The following PKDREJ variants were observed in gnomAD, a reference collection of about 807,000 sequenced individuals.
PKDREJ encodes PKD and REJ homolog.
For synonymous variants in PKDREJ, 1,031 were observed against 1,095.5 expected (o/e 0.94, Z 1.16); for missense variants, 2,507 against 2,807.2 (o/e 0.89, Z 2.42).
At position 46,263,196 on chromosome 22, in the gene PKDREJ, T is replaced by C. The variant is rs980279906; in HGVS notation, c.127A>G (p.Arg43Gly). 5.3e-6 allele frequency: 7 copies of C among 1,309,512 alleles called. No individual in the cohort carries two copies. Among genetic ancestry groups the C allele is most frequent in the East Asian group, 8.2e-5 (2 of 24,454 alleles). 81.1% of individuals were successfully genotyped at this position (1,309,512 alleles called of 1,614,324 possible). A position where few individuals can be genotyped will look rare whatever the true frequency, so the allele number is the denominator to read the frequency against. ...AVSGAPGGLLRGAPGLGVRGG... is the reference protein window; with the variant it reads ...AVSGAPGGLLGGAPGLGVRGG... The stretch of plus-strand genomic sequence containing the variant: ...CGCACCCCGAGGCCCGGGGCGCCCC[T>C]GAGGAGGCCACCGGGCGCCCCGGAG... The change falls in exon 1 of 1, where the codon AGG becomes GGG. Residue 43 changes from arginine to glycine, a missense_variant. Physicochemically the swap from Arg to Gly is moderately radical, Grantham distance 125 (BLOSUM62 -2). Transcript: ENST00000253255. This position sits in a 1 kb window ranked among gnomAD's most constrained non-coding sequence, Gnocchi z 9.4.
chr22:46,261,193 C>A lies in PKDREJ; in HGVS notation c.2130G>T (p.Leu710=), dbSNP rs151047109. Residue 710 remains leucine (L), a synonymous_variant, in exon 1 of 1, where the codon CTG becomes CTT. Transcript: ENST00000253255. This position sits in a 1 kb window ranked among gnomAD's most constrained non-coding sequence, Gnocchi z 7.1. ...KKDFLPAGYL[L]YIVASVLNNM... is the part of the protein sequence containing the mutation. Reference sequence around the variant, plus strand: ...TATTCAAAACGGAAGCTACTATATACAGTAAGTAACCTGCAGGTAAAAAAT... The same window carrying A: ...TATTCAAAACGGAAGCTACTATATAAAGTAAGTAACCTGCAGGTAAAAAAT... 1 of 1,614,072 alleles carries A rather than the reference C, an allele frequency of 6.2e-7. No homozygotes were observed.
At position 46,256,884 on chromosome 22, in the gene PKDREJ, G is replaced by T. The variant is rs1311901486; in HGVS notation, c.6439C>A (p.Leu2147Met). The change falls in exon 1 of 1, where the codon CTG becomes ATG. Residue 2147 changes from leucine to methionine, a missense_variant. Leu to Met is a conservative substitution (Grantham distance 15). Transcript: ENST00000253255. The surrounding 1 kb of genome is among the most constrained non-coding windows in gnomAD (Gnocchi z 5.3). ...AAAGATGAGAGGAACAGGACCCCCA[G>T]AATCCTGTTATTGGAAAATTCAGTG... ...QNTEFSNNRI[L>M]GVLFLSSFML... 1 of 1,613,932 alleles carries T rather than the reference G, an allele frequency of 6.2e-7. No individual in the cohort carries two copies. Among genetic ancestry groups the T allele is most frequent in the African/African-American group, 1.3e-5 (1 of 74,930 alleles).
chr22:46,263,118 C>T lies in PKDREJ; in HGVS notation c.205G>A (p.Ala69Thr). ...LRPSAVRAGG[A>T]VLSGRGSLCF... ...AGGCTGCCGCGGCCGCTCAGGACAG[C>T]GCCGCCCGCCCGCACCGCGCTGGGC... The change falls in exon 1 of 1, where the codon GCT (alanine) becomes ACT (threonine). Residue 69 changes from alanine to threonine, a missense_variant. Coordinates refer to ENST00000253255, the MANE Select transcript of PKDREJ (RefSeq NM_006071.2). This position sits in a 1 kb window ranked among gnomAD's most constrained non-coding sequence, Gnocchi z 9.4. 2.4e-6 allele frequency: 3 copies of T among 1,241,332 alleles called. No individual in the cohort carries two copies. Among genetic ancestry groups the T allele is most frequent in the South Asian group, 2.4e-5 (1 of 41,168 alleles). The allele number at this position is 1,241,332 out of a possible 1,614,324, so 76.9% of individuals were successfully genotyped here.
In PKDREJ at chr22:46,263,054, C is replaced by T. The variant is rs1936717731; in HGVS notation, c.269G>A (p.Cys90Tyr). The change falls in exon 1 of 1, where the codon TGC becomes TAC. Residue 90 changes from cysteine to tyrosine, a missense_variant. Cys to Tyr is a radical substitution (Grantham distance 194). Transcript: ENST00000253255. The surrounding 1 kb of genome is among the most constrained non-coding windows in gnomAD (Gnocchi z 9.4). Reference sequence around the variant, plus strand: ...GCTGAGCAGGACGCGCAAGTCGAGGCAGTACCAGCGCCGCCCGGTCCCGCC... The same window carrying T: ...GCTGAGCAGGACGCGCAAGTCGAGGTAGTACCAGCGCCGCCCGGTCCCGCC... The part of the protein sequence containing the change: ...PHGGTGRRWY[C>Y]LDLRVLLSAQ... 2 of 1,336,620 alleles carry T rather than the reference C, an allele frequency of 1.5e-6. No homozygotes were observed. The highest frequency in any genetic ancestry group is 1.5e-5 in the South Asian group (1 of 67,668). 82.8% of individuals were successfully genotyped at this position (1,336,620 alleles called of 1,614,324 possible).
chr22:46,257,744 G>A lies in PKDREJ; in HGVS notation c.5579C>T (p.Pro1860Leu). 6.2e-7 allele frequency: 1 copy of A among 1,614,098 alleles called. No homozygotes were observed. Among genetic ancestry groups the A allele is most frequent in the Admixed American group, 1.7e-5 (1 of 60,018 alleles). ...ATAATATAGCCATTGCGTTCCTTGA[G>A]GCTTATAAGTAAATCCATTGGTACT... ...DESTNGFTYK[P>L]QGTQWLYYSY... The change falls in exon 1 of 1, where the codon CCT (proline) becomes CTT (leucine). Residue 1860 changes from proline (P) to leucine (L), a missense_variant. Physicochemically the swap from Pro to Leu is moderately conservative, Grantham distance 98. Coordinates refer to ENST00000253255, the MANE Select transcript of PKDREJ (RefSeq NM_006071.2). This position sits in a 1 kb window ranked among gnomAD's most constrained non-coding sequence, Gnocchi z 4.7.
Position 46,262,564 on chromosome 22 carries a change from G to A in PKDREJ, c.759C>T (p.Arg253=). ...ACACCTGCCAGTACTGGGCGATGGC[G>A]CGCGCGGCCGGGCAGTCCAGCTGCA... ...ASVQLDCPAA[R]AIAQYWQVFS... is the part of the protein sequence containing the mutation. Residue 253 remains arginine, a synonymous_variant, in exon 1 of 1, where the codon CGC becomes CGT. Transcript: ENST00000253255. This position sits in a 1 kb window ranked among gnomAD's most constrained non-coding sequence, Gnocchi z 8.1. The A allele has an allele frequency of 6.2e-7, 1 of 1,606,072 alleles. No homozygotes were observed.
In PKDREJ at chr22:46,256,829, T is replaced by C; in HGVS notation, c.6494A>G (p.Asn2165Ser). The C allele has an allele frequency of 6.2e-7, 1 of 1,613,996 alleles. No homozygotes were observed. The highest frequency in any genetic ancestry group is 8.5e-7 in the Non-Finnish European group (1 of 1,180,018). Reference sequence around the variant, plus strand: ...AGACAGAATTACAGCCTGAAATAAGTTGATCAAGACGCAGATCATCACCAG... The same window carrying C: ...AGACAGAATTACAGCCTGAAATAAGCTGATCAAGACGCAGATCATCACCAG... Reference protein sequence around the residue: ...FMLVMICVLINLFQAVILSAY... With the variant: ...FMLVMICVLISLFQAVILSAY... The change falls in exon 1 of 1, where the codon AAC becomes AGC. Residue 2165 changes from asparagine to serine, a missense_variant. Coordinates refer to ENST00000253255, the MANE Select transcript of PKDREJ (RefSeq NM_006071.2). The surrounding 1 kb of genome is among the most constrained non-coding windows in gnomAD (Gnocchi z 5.3).
Position 46,256,349 on chromosome 22 carries a change from G to A in PKDREJ, c.*212C>T, listed in dbSNP as rs542355360. On this transcript the variant is annotated 3_prime_UTR_variant, in exon 1 of 1. Transcript: ENST00000253255. This position sits in a 1 kb window ranked among gnomAD's most constrained non-coding sequence, Gnocchi z 5.3. ...TCCAGGAATCCCACACTGTGATCCT[G>A]CTGTCTCCCCAGATGCTACACTACA... 62 of 702,964 alleles carry A rather than the reference G, an allele frequency of 8.8e-5. No homozygotes were observed. The highest frequency in any genetic ancestry group is 3.1e-5 in the Non-Finnish European group (14 of 444,664). The allele number at this position is 702,964 out of a possible 1,614,324, so 43.5% of individuals were successfully genotyped here. A position where few individuals can be genotyped will look rare whatever the true frequency, so the allele number is the denominator to read the frequency against.
At position 46,259,369 on chromosome 22, in the gene PKDREJ, A is replaced by T; in HGVS notation, c.3954T>A (p.Asn1318Lys). 6.2e-7 allele frequency: 1 copy of T among 1,614,136 alleles called. No individual in the cohort carries two copies. Among genetic ancestry groups the T allele is most frequent in the Non-Finnish European group, 8.5e-7 (1 of 1,180,036 alleles). ...ACAGCCAAATGTGCCTGCTAAACAG[A>T]TTTTCCACTTTGATTCTACTTAAAT... ...SWYLSRIKVE[N>K]LFSRHIWLFI... The change falls in exon 1 of 1, where the codon AAT becomes AAA. Residue 1318 changes from asparagine (N) to lysine (K), a missense_variant. Coordinates refer to ENST00000253255, the MANE Select transcript of PKDREJ (RefSeq NM_006071.2). The surrounding 1 kb of genome is among the most constrained non-coding windows in gnomAD (Gnocchi z 6.8).
chr22:46,259,455 AGTCACTTTTT>A lies in PKDREJ; in HGVS notation c.3858_3867del (p.Lys1287TrpfsTer22), dbSNP rs746082471. ...ACACGGATGGAATGGATGTCCCCCA[AGTCACTTTTT>A]GTCGTTAGGAGGAAAGTGTTGATGC... On this transcript the variant is annotated frameshift_variant, in exon 1 of 1. Coordinates refer to ENST00000253255, the MANE Select transcript of PKDREJ (RefSeq NM_006071.2). LOFTEE classifies it low-confidence loss of function (END_TRUNC). This position sits in a 1 kb window ranked among gnomAD's most constrained non-coding sequence, Gnocchi z 6.8. 1 of 1,614,154 alleles carries A rather than the reference AGTCACTTTTT, an allele frequency of 6.2e-7. No homozygotes were observed. Among genetic ancestry groups the A allele is most frequent in the East Asian group, 2.2e-5 (1 of 44,886 alleles).
chr22:46,258,066 T>C lies in PKDREJ; in HGVS notation c.5257A>G (p.Thr1753Ala), dbSNP rs1036178596. 18 of 1,614,038 alleles carry C rather than the reference T, an allele frequency of 1.1e-5. No individual in the cohort carries two copies. Among genetic ancestry groups the C allele is most frequent in the Non-Finnish European group, 1.5e-5 (18 of 1,180,014 alleles). ...TAGATGTCTTCCAGCTTAGTCACAG[T>C]AGCAAGATCCATAGAGAACCGATCA... The part of the protein sequence containing the change: ...IRDRFSMDLA[T>A]VTKLEDIYRW... The change falls in exon 1 of 1, where the codon ACT (threonine) becomes GCT (alanine). Residue 1753 changes from threonine (T) to alanine (A), a missense_variant. By Grantham distance (58) the Thr-to-Ala change is moderately conservative. Transcript: ENST00000253255. The surrounding 1 kb of genome is among the most constrained non-coding windows in gnomAD (Gnocchi z 6.1).
chr22:46,261,097 G>A lies in PKDREJ; in HGVS notation c.2226C>T (p.Phe742=). ...CTACCAAAGTGCTTACAGGAAGAAG[G>A]AAAGACTGATCGATGAGGTGTTTTC... The part of the protein sequence containing the change: ...NLRKHLIDQS[F]LLPVSTLVEI... Residue 742 remains phenylalanine (F), a synonymous_variant, in exon 1 of 1, where the codon TTC becomes TTT. Transcript: ENST00000253255. This position sits in a 1 kb window ranked among gnomAD's most constrained non-coding sequence, Gnocchi z 7.1. 1 of 1,614,174 alleles carries A rather than the reference G, an allele frequency of 6.2e-7. No individual in the cohort carries two copies. The highest frequency in any genetic ancestry group is 8.5e-7 in the Non-Finnish European group (1 of 1,180,032).
chr22:46,256,768 C>T lies in PKDREJ; in HGVS notation c.6555G>A (p.Glu2185=), dbSNP rs1467275046. ...YEEMKQPVYE[E]PSDEVEAMTY... is the part of the protein sequence containing the mutation. The stretch of plus-strand genomic sequence containing the variant: ...TCATTGCTTCCACTTCATCCGATGG[C>T]TCCTCATACACGGGCTGCTTCATTT... The change falls in exon 1 of 1, where the codon GAG becomes GAA. Residue 2185 remains glutamate, a synonymous_variant. Transcript: ENST00000253255. This position sits in a 1 kb window ranked among gnomAD's most constrained non-coding sequence, Gnocchi z 5.3. 2 of 1,614,088 alleles carry T rather than the reference C, an allele frequency of 1.2e-6. No individual in the cohort carries two copies. Among genetic ancestry groups the T allele is most frequent in the African/African-American group, 1.3e-5 (1 of 75,054 alleles).
In PKDREJ at chr22:46,258,903, T is replaced by A; in HGVS notation, c.4420A>T (p.Ser1474Cys). 1 of 1,614,198 alleles carries A rather than the reference T, an allele frequency of 6.2e-7. No individual in the cohort carries two copies. The highest frequency in any genetic ancestry group is 8.5e-7 in the Non-Finnish European group (1 of 1,180,036). ...CTCAAGTATTCTTCCCAGTGCTCAC[T>A]TGCTTCTGACATTAGAGGATGCTTT... ...PQKHPLMSEA[S>C]EHWEEYLRKW... The change falls in exon 1 of 1, where the codon AGT becomes TGT. Residue 1474 changes from serine (S) to cysteine (C), a missense_variant. Ser to Cys is a moderately radical substitution (Grantham distance 112). Transcript: ENST00000253255. The surrounding 1 kb of genome is among the most constrained non-coding windows in gnomAD (Gnocchi z 6.1).
Position 46,257,911 on chromosome 22 carries a change from T to G in PKDREJ, c.5412A>C (p.Lys1804Asn). Residue 1804 changes from lysine to asparagine, a missense_variant, in exon 1 of 1, where the codon AAA becomes AAC. Coordinates refer to ENST00000253255, the MANE Select transcript of PKDREJ (RefSeq NM_006071.2). This position sits in a 1 kb window ranked among gnomAD's most constrained non-coding sequence, Gnocchi z 4.7. ...MRQVRAKSSE[K>N]MCLPAEKFVQ... is the part of the protein sequence containing the mutation. ...CAAACTTTTCGGCAGGTAGACACAT[T>G]TTTTCACTAGATTTTGCTCTCACTT... is the stretch of plus-strand genomic sequence containing the variant. 3 of 1,614,166 alleles carry G rather than the reference T, an allele frequency of 1.9e-6. No homozygotes were observed. Among genetic ancestry groups the G allele is most frequent in the Non-Finnish European group, 2.5e-6 (3 of 1,180,024 alleles).
Position 46,257,888 on chromosome 22 carries a change from A to G in PKDREJ, c.5435T>C (p.Phe1812Ser), listed in dbSNP as rs766430224. 2.0e-5 allele frequency: 32 copies of G among 1,614,044 alleles called. No individual in the cohort carries two copies. In the Admixed American group the frequency reaches 2.2e-4, roughly 11 times the overall value. Reference sequence around the variant, plus strand: ...TTCTCTTCTGATGCTGTTTTGCACAAACTTTTCGGCAGGTAGACACATTTT... The same window carrying G: ...TTCTCTTCTGATGCTGTTTTGCACAGACTTTTCGGCAGGTAGACACATTTT... ...SEKMCLPAEK[F>S]VQNSIRREIH... is the part of the protein sequence containing the mutation. The change falls in exon 1 of 1, where the codon TTT becomes TCT. Residue 1812 changes from phenylalanine to serine, a missense_variant. By Grantham distance (155) the Phe-to-Ser change is radical. Transcript: ENST00000253255. This position sits in a 1 kb window ranked among gnomAD's most constrained non-coding sequence, Gnocchi z 4.7.
At position 46,262,762 on chromosome 22, in the gene PKDREJ, G is replaced by C; in HGVS notation, c.561C>G (p.Gly187=). The change falls in exon 1 of 1, where the codon GGC becomes GGG. Residue 187 remains glycine (G), a synonymous_variant. Coordinates refer to ENST00000253255, the MANE Select transcript of PKDREJ (RefSeq NM_006071.2). The surrounding 1 kb of genome is among the most constrained non-coding windows in gnomAD (Gnocchi z 8.1). ...FVARTECPTD[G]PARVMLQAVN... is the part of the protein sequence containing the mutation. ...CGGCCTGCAACATCACGCGCGCGGGGCCGTCTGTGGGGCACTCGGTGCGGG... is the reference window on the plus strand; with the variant it reads ...CGGCCTGCAACATCACGCGCGCGGGCCCGTCTGTGGGGCACTCGGTGCGGG... 6.3e-7 allele frequency: 1 copy of C among 1,585,956 alleles called. No individual in the cohort carries two copies. The highest frequency in any genetic ancestry group is 8.6e-7 in the Non-Finnish European group (1 of 1,166,632).
At position 46,261,408 on chromosome 22, in the gene PKDREJ, A is replaced by G. The variant is rs758708263; in HGVS notation, c.1915T>C (p.Leu639=). 76 of 1,614,062 alleles carry G rather than the reference A, an allele frequency of 4.7e-5. 1 individual carries two copies. The Admixed American group carries it at 1.2e-3, about 26-fold the overall frequency. The change falls in exon 1 of 1, where the codon TTG becomes CTG. Residue 639 remains leucine (L), a synonymous_variant. Coordinates refer to ENST00000253255, the MANE Select transcript of PKDREJ (RefSeq NM_006071.2). This position sits in a 1 kb window ranked among gnomAD's most constrained non-coding sequence, Gnocchi z 7.1. ...VPPSFLPVGM[L]ASQYGLKIYA... is the part of the protein sequence containing the mutation. The stretch of plus-strand genomic sequence containing the variant: ...ATCTTCAAGCCATATTGACTAGCCA[A>G]CATACCAACAGGGAGAAAGGAAGGG...
At position 46,262,283 on chromosome 22, in the gene PKDREJ, G is replaced by C. The variant is rs764893512; in HGVS notation, c.1040C>G (p.Thr347Arg). Residue 347 changes from threonine to arginine, a missense_variant, in exon 1 of 1, where the codon ACA (threonine) becomes AGA (arginine). Thr to Arg is a moderately conservative substitution (Grantham distance 71). Coordinates refer to ENST00000253255, the MANE Select transcript of PKDREJ (RefSeq NM_006071.2). This position sits in a 1 kb window ranked among gnomAD's most constrained non-coding sequence, Gnocchi z 8.1. ...QAVMLGDANI[T>R]ANFTEQLILD... is the part of the protein sequence containing the mutation. ...AATCAGCTGCTCTGTGAAATTAGCT[G>C]TTATGTTGGCATCGCCAAGCATCAC... The C allele has an allele frequency of 6.2e-5, 100 of 1,614,098 alleles. No homozygotes were observed. In the South Asian group the frequency reaches 9.2e-4, roughly 15 times the overall value.
Sources: gnomAD v4.1 joint callset for allele counts on GRCh38, gnomAD v4.1.1 for gene constraint, Gnocchi (gnomAD v3.1) non-coding constraint, MANE v1.5 for transcripts, NCBI Gene and HGNC (gene_info 2026-07-23, HGNC 2026-07-21) for gene names.